ROBO2: variants seen among roughly 807,000 people sequenced by gnomAD.
ROBO2 encodes roundabout homolog 2.
Under a neutral mutation model 160.8 loss-of-function variants are expected in ROBO2, and 53 were observed. The observed-to-expected ratio is 0.33, with a 90% CI of 0.26 to 0.41. The LOEUF (loss-of-function observed/expected upper bound fraction) is 0.41. Ranked by LOEUF, ROBO2 falls within the 10% of genes least tolerant of loss-of-function variation. The pLI is 1.00. For missense variants in ROBO2, 1,577 were observed against 1,722.4 expected, an observed-to-expected ratio of 0.92 and a Z score of 1.49; for synonymous variants, 664 against 611.7, an observed-to-expected ratio of 1.09 and a Z score of -1.26.
chr3:75,963,330 G>A (rs1231010615), intron 2 of ROBO2, among the ~76,000 whole-genome samples: 4 of 151,604 alleles, frequency 2.6e-5, no homozygotes, highest in South Asian at 2.1e-4. Flanking sequence ...AGAACTACAG[G>A]TGTGTGCCAC....
At chr3:77,400,932 A>G (rs1205646603) in intron 2 of ROBO2, among the ~76,000 whole-genome samples, 1 of 152,140 alleles carries the variant, frequency 6.6e-6, no homozygotes, top group Non-Finnish European at 1.5e-5. Flanking sequence ...TTCTGTTCGA[A>G]GTCAGTTTTA....
At chr3:77,001,376 A>T (rs893502154) in intron 2 of ROBO2, among the ~76,000 whole-genome samples, 14 of 152,292 alleles carry the variant, frequency 9.2e-5, no homozygotes, top group African/African-American at 3.4e-4. Context: ...TATGCTCTAA[A>T]TTTACAACAG....
intron 2 of ROBO2, among the ~76,000 whole-genome samples, chr3:76,752,266 C>T (rs1261629065): frequency 4.8e-5 from 7 of 144,928 alleles, no homozygotes; most frequent in Admixed American, 1.4e-4. Context: ...AGGTGGGGAA[C>T]ATCACACACC....
At chr3:76,621,308 T>C (rs1365953166) in intron 2 of ROBO2, among the ~76,000 whole-genome samples, 3 of 152,212 alleles carry the variant, frequency 2.0e-5, no homozygotes, top group Non-Finnish European at 4.4e-5. Flanking sequence ...TTTTGGCAGA[T>C]AGAAGATTCT....
intron 2 of ROBO2, among the ~76,000 whole-genome samples, chr3:75,940,077 T>A (rs1947977756): frequency 6.6e-6 from 1 of 152,164 alleles, no homozygotes; most frequent in Admixed American, 6.6e-5. Context: ...CATAATAGTA[T>A]GAGTAAATTA....
chr3:77,433,791 G>A (rs2079026386), intron 2 of ROBO2, among the ~76,000 whole-genome samples: 1 of 151,886 alleles, frequency 6.6e-6, no homozygotes, highest in Admixed American at 6.6e-5. Flanking sequence ...GACTGTCTCA[G>A]TAAATACATC....
chr3:77,269,808 A>G (rs1286499602), intron 2 of ROBO2, among the ~76,000 whole-genome samples: 1 of 152,162 alleles, frequency 6.6e-6, no homozygotes, highest in Non-Finnish European at 1.5e-5. Context: ...TAGTTTTCAG[A>G]AAATGTGGTG....
chr3:76,334,114 A>G (rs1306802321), intron 2 of ROBO2, among the ~76,000 whole-genome samples: 1 of 152,208 alleles, frequency 6.6e-6, no homozygotes, highest in Admixed American at 6.5e-5. Context: ...CACGTTGTGC[A>G]CATGTACCCT....
chr3:77,115,344 A>T (rs1251620489), intron 2 of ROBO2, among the ~76,000 whole-genome samples: 2 of 152,220 alleles, frequency 1.3e-5, no homozygotes, highest in Admixed American at 1.3e-4. Flanking sequence ...AGAAAATAGG[A>T]GTCATCTAAA....
chr3:77,452,855 A>C (rs2081259719), intron 2 of ROBO2, among the ~76,000 whole-genome samples: 1 of 152,226 alleles, frequency 6.6e-6, no homozygotes, highest in Non-Finnish European at 1.5e-5. Context: ...GAATATCAAA[A>C]GCACACATAC....
chr3:77,174,199 TCC>T (rs943436727), intron 2 of ROBO2, among the ~76,000 whole-genome samples: 2 of 151,932 alleles, frequency 1.3e-5, no homozygotes, highest in Non-Finnish European at 2.9e-5. Context: ...GTCCTGGGTG[TCC>T]CCCTCCCCAT....
At chr3:76,581,479 A>AG (rs886079946) in intron 2 of ROBO2, among the ~76,000 whole-genome samples, 1 of 152,152 alleles carries the variant, frequency 6.6e-6, no homozygotes, top group African/African-American at 2.4e-5. Flanking sequence ...TCTAAACAAA[A>AG]ATAAAAAAAT....
At chr3:76,203,048 T>A (rs1290658342) in intron 2 of ROBO2, among the ~76,000 whole-genome samples, 3 of 152,084 alleles carry the variant, frequency 2.0e-5, no homozygotes, top group Non-Finnish European at 4.4e-5. Context: ...CCCTTAGAAA[T>A]TACAATTCCT....
At chr3:76,486,021 TACA>T (rs2107434795) in intron 2 of ROBO2, among the ~76,000 whole-genome samples, 1 of 152,318 alleles carries the variant, frequency 6.6e-6, no homozygotes, top group South Asian at 2.1e-4. Flanking sequence ...ACTCTCCAGC[TACA>T]ACATCTTGAG....
At chr3:76,441,086 C>A (rs539311853) in intron 2 of ROBO2, among the ~76,000 whole-genome samples, 1 of 152,176 alleles carries the variant, frequency 6.6e-6, no homozygotes, top group South Asian at 2.1e-4. Flanking sequence ...GGATAAAATT[C>A]AAAATGTTGA....
At chr3:76,643,373 G>A (rs1167066744) in intron 2 of ROBO2, among the ~76,000 whole-genome samples, 1 of 152,132 alleles carries the variant, frequency 6.6e-6, no homozygotes, top group African/African-American at 2.4e-5. Flanking sequence ...AGTTAAATGA[G>A]AGAAGAATAT....
At chr3:76,329,465 G>A (rs1395511805) in intron 2 of ROBO2, among the ~76,000 whole-genome samples, 4 of 152,180 alleles carry the variant, frequency 2.6e-5, no homozygotes, top group Admixed American at 2.6e-4. Context: ...TGATCCGCCC[G>A]CCTGGGCCTC....
At chr3:76,004,482 AT>A (rs1434476063) in intron 2 of ROBO2, among the ~76,000 whole-genome samples, 1 of 152,052 alleles carries the variant, frequency 6.6e-6, no homozygotes, top group Non-Finnish European at 1.5e-5. Context: ...ACCAAAATTT[AT>A]TTTTCACAGT....
At chr3:76,216,425 C>A (rs1400355116) in intron 2 of ROBO2, among the ~76,000 whole-genome samples, 4 of 152,106 alleles carry the variant, frequency 2.6e-5, no homozygotes, top group African/African-American at 4.8e-5. Flanking sequence ...ATCTCACATG[C>A]AGAGACACAT....
Sources: allele counts gnomAD v4.1 joint callset (sites outside exome capture counted in the v4.1 genomes callset), GRCh38; gene constraint gnomAD v4.1.1; transcripts MANE v1.5; gene names NCBI Gene and HGNC (gene_info 2026-07-23, HGNC 2026-07-21).